The following PRELID2 variants were observed in gnomAD, a reference collection of about 807,000 sequenced individuals.
PRELID2 encodes PRELI domain-containing protein 2.
In PRELID2, 25 loss-of-function variants were observed where a neutral mutation model predicts 28.4. The ratio of observed to expected loss-of-function variants is 0.88; its 90% CI spans 0.64 to 1.23. PRELID2 has a LOEUF of 1.23. Ranked by LOEUF, PRELID2 falls within the 50% of genes most tolerant of loss-of-function variation. PRELID2 has a pLI of 0.00. For missense variants in PRELID2, 201 were observed against 214.4 expected (o/e 0.94, Z 0.39); for synonymous variants, 76 against 71.6 (o/e 1.06, Z -0.31).
In PRELID2 at chr5:145,638,865, AT is replaced by A. The variant is rs1267466372; in HGVS notation, n.70+126065del. On this transcript the variant is annotated intron_variant and non_coding_transcript_variant, in intron 1 of 2. Transcript: ENST00000510259. ...GCGTGTTGTCCTATCTTGTTCTGTA[AT>A]GAAAATTGGTGTAGACATTGTTCAA... Among the ~76,000 whole-genome samples, 12 of 152,340 alleles carry A rather than the reference AT, an allele frequency of 7.9e-5. 1 individual carries two copies. The highest frequency in any genetic ancestry group is 2.9e-4 in the African/African-American group (12 of 41,570).
the PRELID2 span, among the ~76,000 whole-genome samples, chr5:145,360,000 T>C: frequency 6.6e-6 from 1 of 152,122 alleles, no homozygotes. Context: ...ATGGCTACAT[T>C]TGAGAAATAT....
the PRELID2 span, among the ~76,000 whole-genome samples, chr5:145,245,581 A>G: frequency 6.6e-6 from 1 of 152,096 alleles, no homozygotes; most frequent in Non-Finnish European, 1.5e-5. Flanking sequence ...AGAGTGAGAA[A>G]AAGAATGAAT....
At chr5:145,232,730 A>G in the PRELID2 span, among the ~76,000 whole-genome samples, 6 of 152,176 alleles carry the variant, frequency 3.9e-5, no homozygotes, top group Non-Finnish European at 7.3e-5. Flanking sequence ...CATGTGACTC[A>G]GAAGTCTCAG....
At chr5:145,452,902 G>A in the PRELID2 span, among the ~76,000 whole-genome samples, 2 of 152,168 alleles carry the variant, frequency 1.3e-5, no homozygotes, top group East Asian at 3.9e-4. Context: ...GGTGACAAGA[G>A]AGTGAACTCA....
chr5:145,391,694 T>C, the PRELID2 span, among the ~76,000 whole-genome samples: 1 of 152,092 alleles, frequency 6.6e-6, no homozygotes, highest in African/African-American at 2.4e-5. Context: ...GTTTTTTTTT[T>C]TTTTCTATTG....
the PRELID2 span, among the ~76,000 whole-genome samples, chr5:145,405,697 T>A: frequency 1.2e-5 from 1 of 82,738 alleles, no homozygotes; most frequent in African/African-American, 4.4e-5. Flanking sequence ...AGGTACCACA[T>A]AGTTGTTTTT....
chr5:145,442,043 G>A, the PRELID2 span, among the ~76,000 whole-genome samples: 36,149 of 152,000 alleles, frequency 0.24, 4,423 homozygotes, highest in South Asian at 0.36. Context: ...CTCCAACAAA[G>A]GAAACAGTGG....
the PRELID2 span, among the ~76,000 whole-genome samples, chr5:145,267,806 C>T: frequency 5.3e-4 from 81 of 152,242 alleles, no homozygotes; most frequent in Admixed American, 1.0e-3. Context: ...TCTGCACAAC[C>T]TCACCACATT....
At chr5:145,256,222 C>A in the PRELID2 span, among the ~76,000 whole-genome samples, 3 of 151,934 alleles carry the variant, frequency 2.0e-5, no homozygotes, top group African/African-American at 7.3e-5. Flanking sequence ...ATCTTCAAAT[C>A]CAGTAACGAC....
At chr5:145,537,625 G>A (rs1460961257) in intron 1 of PRELID2, among the ~76,000 whole-genome samples, 1 of 151,572 alleles carries the variant, frequency 6.6e-6, no homozygotes, top group East Asian at 1.9e-4. Context: ...TTGTTTTGAG[G>A]AAATTCTATT....
intron 1 of PRELID2, among the ~76,000 whole-genome samples, chr5:145,538,589 A>AATATCT (rs1752721315): frequency 6.6e-6 from 1 of 151,948 alleles, no homozygotes; most frequent in Non-Finnish European, 1.5e-5. Flanking sequence ...CTGCTACTAA[A>AATATCT]ATATCTATAG....
the PRELID2 span, among the ~76,000 whole-genome samples, chr5:145,294,287 T>G: frequency 6.6e-6 from 1 of 152,168 alleles, no homozygotes; most frequent in African/African-American, 2.4e-5. Flanking sequence ...ATAATCAGAA[T>G]TTCTAAAATG....
intron 1 of PRELID2, among the ~76,000 whole-genome samples, chr5:145,694,317 T>C (rs1181383480): frequency 6.6e-6 from 1 of 152,138 alleles, no homozygotes; most frequent in Non-Finnish European, 1.5e-5. Flanking sequence ...CTCAATGGGA[T>C]TAAGGGTAAT....
chr5:145,720,959 T>C (rs1002926457), intron 1 of PRELID2, among the ~76,000 whole-genome samples: 31 of 152,214 alleles, frequency 2.0e-4, no homozygotes, highest in African/African-American at 6.7e-4. Flanking sequence ...ATGAAGTAGA[T>C]ATATCTGCCA....
chr5:145,646,241 T>G (rs1275841137), intron 1 of PRELID2, among the ~76,000 whole-genome samples: 1 of 152,190 alleles, frequency 6.6e-6, no homozygotes, highest in Non-Finnish European at 1.5e-5. Context: ...CTTTTCATTG[T>G]TTTTTCTCTA....
chr5:145,294,054 G>A, the PRELID2 span, among the ~76,000 whole-genome samples: 1 of 152,032 alleles, frequency 6.6e-6, no homozygotes, highest in Admixed American at 6.6e-5. Flanking sequence ...CTCTCTACTC[G>A]ATTATGCATC....
chr5:145,790,325 C>G (rs1339584894), intron 5 of PRELID2, among the ~76,000 whole-genome samples: 1 of 152,076 alleles, frequency 6.6e-6, no homozygotes, highest in Non-Finnish European at 1.5e-5. Flanking sequence ...TAAAAAGAAG[C>G]AAGTTCTGTC....
At chr5:145,705,191 G>C (rs1342221340) in intron 1 of PRELID2, among the ~76,000 whole-genome samples, 1 of 151,398 alleles carries the variant, frequency 6.6e-6, no homozygotes, top group African/African-American at 2.4e-5. Flanking sequence ...AACCCAAAAA[G>C]TACCTTTTTT....
At chr5:145,809,036 C>CTTTTTT (rs372516210) in intron 4 of PRELID2, among the ~76,000 whole-genome samples, 1 of 105,832 alleles carries the variant, frequency 9.4e-6, no homozygotes, top group Non-Finnish European at 2.0e-5. Context: ...TTTTTTTTTG[C>CTTTTTT]TTTTTTTTTT....
Sources: gnomAD v4.1 joint callset for allele counts (sites outside exome capture counted in the v4.1 genomes callset) on GRCh38, gnomAD v4.1.1 for gene constraint, MANE v1.5 for transcripts, NCBI Gene and HGNC (gene_info 2026-07-23, HGNC 2026-07-21) for gene names.